FGD3: variants seen among roughly 807,000 people sequenced by gnomAD.
FGD3 encodes FYVE, RhoGEF and PH domain-containing protein 3.
In FGD3, 45 loss-of-function variants were observed where a neutral mutation model predicts 71.8. The observed-to-expected ratio is 0.63, with a 90% confidence interval of 0.49 to 0.80. The LOEUF is 0.80. FGD3 is among the 30% of genes least tolerant of loss of function. The pLI is 0.00. For synonymous variants in FGD3, 378 were observed against 392.8 expected (o/e 0.96, Z 0.44); for missense variants, 844 against 951.5 (o/e 0.89, Z 1.49).
intron 3 of FGD3, among the ~76,000 whole-genome samples, chr9:92,990,849 A>G (rs1476609669): frequency 1.3e-5 from 2 of 152,080 alleles, no homozygotes; most frequent in African/African-American, 4.8e-5. Flanking sequence ...TTTTTCATCT[A>G]TGTTCATCAG....
intron 7 of FGD3, 112 bp downstream of exon 7, chr9:93,010,496 G>GAA: frequency 8.5e-7 from 1 of 1,172,582 alleles, no homozygotes; most frequent in Non-Finnish European, 1.1e-6. Context: ...AGGGGAGAGA[G>GAA]AAACAGAGAG....
At chr9:92,973,116 T>C (rs1305063023) in intron 1 of FGD3, among the ~76,000 whole-genome samples, 2 of 141,522 alleles carry the variant, frequency 1.4e-5, no homozygotes, top group African/African-American at 5.4e-5. Context: ...ATTTTTTTTT[T>C]TTTTTTTTTT....
At chr9:93,014,274 G>A (rs138052625) in intron 9 of FGD3, among the ~76,000 whole-genome samples, 22 of 151,924 alleles carry the variant, frequency 1.4e-4, no homozygotes, top group Admixed American at 7.9e-4. Context: ...TACCTCTTTC[G>A]TCCCCAGAAC....
intron 3 of FGD3, 26 bp from the exon 4 acceptor site, chr9:93,002,899 G>A (rs2118696112): frequency 6.2e-7 from 1 of 1,609,538 alleles, no homozygotes; most frequent in East Asian, 2.2e-5. Context: ...TCTTCCCCAG[G>A]TGAGCTGCAT....
At chr9:92,989,665 A>G (rs1029511270) in intron 3 of FGD3, among the ~76,000 whole-genome samples, 4 of 152,332 alleles carry the variant, frequency 2.6e-5, no homozygotes, top group African/African-American at 9.6e-5. Context: ...CACATGTTGC[A>G]AGAGAAAAGG....
At chr9:92,981,368 C>CA (rs11454338) in intron 3 of FGD3, among the ~76,000 whole-genome samples, 69,777 of 111,382 alleles carry the variant, frequency 0.63, 19,701 homozygotes, top group Middle Eastern at 0.68. Flanking sequence ...ATTCCATCTC[C>CA]AAAAAAAAAA....
chr9:92,970,392 G>A (rs1487370073), intron 1 of FGD3, among the ~76,000 whole-genome samples: 1 of 152,232 alleles, frequency 6.6e-6, no homozygotes, highest in African/African-American at 2.4e-5. Context: ...TGCAGCCAGG[G>A]AGACACTTCC....
At chr9:92,954,236 G>A (rs928230512) in intron 1 of FGD3, among the ~76,000 whole-genome samples, 24 of 152,126 alleles carry the variant, frequency 1.6e-4, no homozygotes, top group Admixed American at 1.5e-3. Context: ...CGCTGACAAA[G>A]GTGCACCACC....
intron 6 of FGD3, among the ~76,000 whole-genome samples, chr9:93,007,702 C>G (rs767538041): frequency 1.3e-5 from 2 of 152,228 alleles, no homozygotes; most frequent in Non-Finnish European, 2.9e-5. Context: ...ATCCCCTCAT[C>G]CTAGGCAGAT....
In FGD3 at chr9:92,976,431, A is replaced by T; in HGVS notation, c.175A>T (p.Ile59Leu). Residue 59 changes from isoleucine (I) to leucine (L), a missense_variant, in exon 3 of 18, where the codon ATA (isoleucine) becomes TTA (leucine). Physicochemically the swap from Ile to Leu is conservative, Grantham distance 5. Transcript: ENST00000375482. ...LAAAGDGSPDIGPTGELSGSL... is the reference protein window; with the variant it reads ...LAAAGDGSPDLGPTGELSGSL... ...TGCAGCAGGGGACGGCTCTCCAGAC[A>T]TAGGCCCCACGGGAGAGCTGAGTGG... The T allele has an allele frequency of 1.9e-6, 3 of 1,611,952 alleles. No individual in the cohort carries two copies. The highest frequency in any genetic ancestry group is 2.5e-6 in the Non-Finnish European group (3 of 1,179,426).
At chr9:93,014,025 C>T (rs768281441) in intron 9 of FGD3, 27 bp downstream of exon 9, 35 of 1,586,492 alleles carry the variant, frequency 2.2e-5, no homozygotes, top group African/African-American at 2.7e-5. Flanking sequence ...CCAGCCCAGC[C>T]GCAGAGCCTC....
chr9:92,990,566 T>G (rs1860367765), intron 3 of FGD3, among the ~76,000 whole-genome samples: 1 of 152,352 alleles, frequency 6.6e-6, no homozygotes, highest in East Asian at 1.9e-4. Flanking sequence ...TTCTCACATA[T>G]GGGCTTTATT....
chr9:93,023,040 T>C (rs1861985358), intron 14 of FGD3, among the ~76,000 whole-genome samples: 1 of 152,202 alleles, frequency 6.6e-6, no homozygotes, highest in Non-Finnish European at 1.5e-5. Flanking sequence ...AGAGCATCTG[T>C]ACCTGGAGCC....
At chr9:93,034,760 C>G in intron 17 of FGD3, 79 bp downstream of exon 17, 1 of 1,471,240 alleles carries the variant, frequency 6.8e-7, no homozygotes, top group Non-Finnish European at 9.1e-7. Flanking sequence ...CAGGCCTGTG[C>G]CACCAGCTGG....
At position 92,975,728 on chromosome 9, in the gene FGD3, T is replaced by C. The variant is rs570492469; in HGVS notation, c.-50+323T>C. On this transcript the variant is annotated intron_variant, in intron 2 of 17. Coordinates refer to ENST00000375482, the MANE Select transcript of FGD3 (RefSeq NM_001083536.2). Reference sequence around the variant, plus strand: ...CCCTGAGGGAGATAGTAGAGACAGCTGGGACCCTGGACCCCTGGGGGCTGT... The same window carrying C: ...CCCTGAGGGAGATAGTAGAGACAGCCGGGACCCTGGACCCCTGGGGGCTGT... Among the ~76,000 whole-genome samples the C allele has an allele frequency of 6.6e-5, 10 of 152,134 alleles. 1 individual carries two copies. In the East Asian group the frequency reaches 1.9e-3, roughly 29 times the overall value.
intron 14 of FGD3, among the ~76,000 whole-genome samples, chr9:93,026,661 T>TAA (rs1219005209): frequency 6.6e-6 from 1 of 152,202 alleles, no homozygotes; most frequent in Non-Finnish European, 1.5e-5. Context: ...CTTCCAGAAT[T>TAA]GTCCTCTGTC....
intron 1 of FGD3, among the ~76,000 whole-genome samples, chr9:92,955,821 G>C (rs562148141): frequency 3.9e-5 from 6 of 152,182 alleles, no homozygotes; most frequent in Non-Finnish European, 8.8e-5. Context: ...GAGTCATATA[G>C]CATGTAATCT....
At chr9:92,966,954 T>G (rs1304813000) in intron 1 of FGD3, among the ~76,000 whole-genome samples, 1 of 150,880 alleles carries the variant, frequency 6.6e-6, no homozygotes, top group African/African-American at 2.5e-5. Flanking sequence ...CACTTTCATC[T>G]TTTTTCTTTT....
intron 3 of FGD3, among the ~76,000 whole-genome samples, chr9:92,983,097 T>A (rs966354457): frequency 2.0e-5 from 3 of 150,388 alleles, no homozygotes; most frequent in Admixed American, 6.6e-5. Context: ...AAAAAAAAAA[T>A]TCACCTTTTA....
Sources: gnomAD v4.1 joint callset for allele counts (sites outside exome capture counted in the v4.1 genomes callset) on GRCh38, gnomAD v4.1.1 for gene constraint, MANE v1.5 for transcripts, NCBI Gene and HGNC (gene_info 2026-07-23, HGNC 2026-07-21) for gene names.